LRRFIP1: variants seen among roughly 807,000 people sequenced by gnomAD.
LRRFIP1 encodes leucine-rich repeat flightless-interacting protein 1.
A neutral mutation model predicts 104.4 loss-of-function variants in LRRFIP1; 62 were observed. That is an observed-to-expected ratio of 0.59 (90% CI 0.48 to 0.73). The LOEUF (loss-of-function observed/expected upper bound fraction) is 0.73, where lower values mean the gene tolerates loss of function less well. LRRFIP1 is among the 30% of genes least tolerant of loss of function. The pLI, the probability that LRRFIP1 is intolerant of heterozygous loss-of-function variation, is 0.00. For synonymous variants in LRRFIP1, 300 were observed against 299.0 expected (o/e 1.00, Z -0.03); for missense variants, 796 against 824.5 (o/e 0.97, Z 0.42).
At chr2:237,683,955 C>CT (rs745548453) in intron 1 of LRRFIP1, among the ~76,000 whole-genome samples, 13 of 152,086 alleles carry the variant, frequency 8.5e-5, no homozygotes, top group Admixed American at 2.6e-4. Flanking sequence ...CCCCACACTT[C>CT]TTTTTTTTGT....
intron 20 of LRRFIP1, among the ~76,000 whole-genome samples, chr2:237,771,551 TCC>T (rs772060776): frequency 5.1e-3 from 254 of 50,004 alleles, no homozygotes; most frequent in African/African-American, 0.018. Context: ...CTGGAACCAA[TCC>T]CCCCCCCCCC....
intron 1 of LRRFIP1, among the ~76,000 whole-genome samples, chr2:237,640,070 C>T (rs78831490): frequency 0.013 from 2,046 of 152,264 alleles, 46 homozygotes; most frequent in African/African-American, 0.046. Flanking sequence ...ACAGTGACTA[C>T]GACTGTTTGC....
At position 237,729,082 on chromosome 2, in the gene LRRFIP1, C is replaced by A. The variant is rs138698623; in HGVS notation, c.444+1147C>A. On this transcript the variant is annotated intron_variant, in intron 8 of 23. Transcript: ENST00000308482. ...GGATTACAGGCATCCACTACCACAC[C>A]TGGCTAATTTTTTTTGTATTTTTTA... 7.0e-3 allele frequency among the ~76,000 whole-genome samples: 1,063 copies of A among 152,318 alleles called. 71 individuals carry two copies. The highest frequency in any genetic ancestry group is 0.061 in the Admixed American group (935 of 15,290).
At chr2:237,778,916 CAAAA>C (rs35820087) in intron 23 of LRRFIP1, among the ~76,000 whole-genome samples, 5 of 137,622 alleles carry the variant, frequency 3.6e-5, no homozygotes, top group African/African-American at 1.4e-4. Context: ...GACTTTGTCT[CAAAA>C]AAAAAAACAA....
intron 1 of LRRFIP1, chr2:237,692,198 C>A (rs1344914809): frequency 2.8e-6 from 3 of 1,058,086 alleles, no homozygotes; most frequent in Non-Finnish European, 3.4e-6. Flanking sequence ...AGTCCCGCTT[C>A]CCCGGCGCCC....
intron 1 of LRRFIP1, among the ~76,000 whole-genome samples, chr2:237,674,804 G>T (rs138693099): frequency 1.6e-3 from 250 of 152,380 alleles, no homozygotes; most frequent in African/African-American, 5.7e-3. Flanking sequence ...TCGGGTTGTT[G>T]CTGAGAGCTG....
At chr2:237,764,226 C>G (rs1406181733) in intron 19 of LRRFIP1, 1 of 1,612,254 alleles carries the variant, frequency 6.2e-7, no homozygotes, top group East Asian at 2.2e-5. Flanking sequence ...GTAGAATGTT[C>G]TAAATTCATA....
intron 1 of LRRFIP1, among the ~76,000 whole-genome samples, chr2:237,664,281 G>T (rs1040098559): frequency 6.6e-6 from 1 of 152,250 alleles, no homozygotes; most frequent in African/African-American, 2.4e-5. Context: ...TGGCAAAGAG[G>T]CCGGCGGCGT....
At chr2:237,724,643 T>C (rs1014814342) in intron 7 of LRRFIP1, among the ~76,000 whole-genome samples, 1 of 152,236 alleles carries the variant, frequency 6.6e-6, no homozygotes, top group African/African-American at 2.4e-5. Context: ...TCTGTGACAC[T>C]GTAACTCCAG....
intron 1 of LRRFIP1, among the ~76,000 whole-genome samples, chr2:237,676,242 C>T (rs139268791): frequency 3.9e-5 from 6 of 152,326 alleles, no homozygotes; most frequent in Non-Finnish European, 8.8e-5. Flanking sequence ...TACTGAGCTT[C>T]GCTTTTCCAA....
chr2:237,660,693 C>A (rs2087745255), intron 1 of LRRFIP1, among the ~76,000 whole-genome samples: 1 of 152,216 alleles, frequency 6.6e-6, no homozygotes, highest in African/African-American at 2.4e-5. Flanking sequence ...CCATAAAGGA[C>A]TGGTCAAACC....
At chr2:237,763,827 C>G (rs1559832848) in intron 19 of LRRFIP1, 1 of 1,614,156 alleles carries the variant, frequency 6.2e-7, no homozygotes, top group Non-Finnish European at 8.5e-7. Context: ...AAAGATAATG[C>G]TAAAATAGAT....
intron 2 of LRRFIP1, among the ~76,000 whole-genome samples, chr2:237,713,848 T>A (rs556060804): frequency 6.6e-6 from 1 of 152,242 alleles, no homozygotes; most frequent in Non-Finnish European, 1.5e-5. Context: ...AAAGCCTCTT[T>A]CTTCATTATT....
intron 19 of LRRFIP1, among the ~76,000 whole-genome samples, 171 bp downstream of exon 19, chr2:237,760,376 C>A (rs1434586425): frequency 6.6e-6 from 1 of 152,214 alleles, no homozygotes; most frequent in South Asian, 2.1e-4. Flanking sequence ...TGGTCACCCA[C>A]GTGTTGTCTG....
intron 13 of LRRFIP1, among the ~76,000 whole-genome samples, chr2:237,750,736 T>C (rs1456079762): frequency 6.6e-6 from 1 of 152,198 alleles, no homozygotes; most frequent in Non-Finnish European, 1.5e-5. Flanking sequence ...AGGTACTTAC[T>C]GAGAGGCTGG....
intron 1 of LRRFIP1, among the ~76,000 whole-genome samples, chr2:237,706,305 A>G (rs1476797875): frequency 6.6e-6 from 1 of 151,894 alleles, no homozygotes; most frequent in Non-Finnish European, 1.5e-5. Flanking sequence ...TCTTTCCCCC[A>G]ACCCTTTCCT....
At chr2:237,700,290 T>C (rs971841952) in intron 1 of LRRFIP1, among the ~76,000 whole-genome samples, 8 of 152,182 alleles carry the variant, frequency 5.3e-5, no homozygotes, top group African/African-American at 1.9e-4. Flanking sequence ...GCTTGATTCC[T>C]TCTTAGCTCA....
intron 20 of LRRFIP1, 141 bp downstream of exon 20, chr2:237,770,133 A>G: frequency 1.5e-6 from 1 of 662,894 alleles, no homozygotes; most frequent in Middle Eastern, 2.5e-4. Flanking sequence ...TGTTCTTAAG[A>G]TTGCTATCCA....
chr2:237,681,656 C>T (rs1042561809), intron 1 of LRRFIP1, among the ~76,000 whole-genome samples: 6 of 143,522 alleles, frequency 4.2e-5, no homozygotes, highest in African/African-American at 5.2e-5. Context: ...TGTGAGCCAC[C>T]GTGCCCGGCC....
Sources: allele counts gnomAD v4.1 joint callset (sites outside exome capture counted in the v4.1 genomes callset), GRCh38; gene constraint gnomAD v4.1.1; transcripts MANE v1.5; gene names NCBI Gene and HGNC (gene_info 2026-07-23, HGNC 2026-07-21).